LTN1: variants seen among roughly 807,000 people sequenced by gnomAD.
The protein encoded by LTN1 is E3 ubiquitin-protein ligase listerin.
In LTN1, 88 loss-of-function variants were observed where a neutral mutation model predicts 201.2. The observed-to-expected ratio is 0.44, with a 90% CI of 0.37 to 0.52. The LOEUF (loss-of-function observed/expected upper bound fraction) is 0.52, where lower values mean the gene tolerates loss of function less well. Among genes scored for constraint, LTN1 ranks in the 20% least tolerant of loss-of-function variants. The probability of loss-of-function intolerance (pLI) is 0.00; values close to 1 mark genes in which losing one functional copy is unlikely to be tolerated. For missense variants in LTN1, 1,752 were observed against 2,038.7 expected (o/e 0.86, Z 2.71); for synonymous variants, 645 against 713.5 (o/e 0.90, Z 1.53).
In LTN1 at chr21:28,966,884, T is replaced by G; in HGVS notation, c.1607A>C (p.Asn536Thr). The G allele has an allele frequency of 1.4e-6, 1 of 707,070 alleles. No individual in the cohort carries two copies. Among genetic ancestry groups the G allele is most frequent in the Non-Finnish European group, 1.9e-6 (1 of 516,874 alleles). The allele number at this position is 707,070 out of a possible 1,614,324, so 43.8% of individuals were successfully genotyped here. The change falls in exon 10 of 30, where the codon AAT (asparagine) becomes ACT (threonine). Residue 536 changes from asparagine (N) to threonine (T), a missense_variant. This residue lies in a region of LTN1 where 1,211 missense variants were observed against 1,312.8 expected (regional missense o/e 0.92). Coordinates refer to ENST00000361371, the MANE Select transcript of LTN1 (RefSeq NM_015565.3). ...KSSLKSSKKK[N>T]GKVRFADEIL... ...CTCATCAGCAAATCTAACCTTACCA[T>G]TTTTTTTTTTACTTGACTTCAATGA...
chr21:28,975,381 T>C (rs550833654), intron 6 of LTN1, among the ~76,000 whole-genome samples: 2 of 152,186 alleles, frequency 1.3e-5, no homozygotes, highest in East Asian at 3.9e-4. Flanking sequence ...CCCATAAACA[T>C]ATTAAAAGAT....
In LTN1 at chr21:28,986,192, T is replaced by C. The variant is rs1488845017; in HGVS notation, c.292A>G (p.Thr98Ala). 9 of 1,613,584 alleles carry C rather than the reference T, an allele frequency of 5.6e-6. No individual in the cohort carries two copies. The highest frequency in any genetic ancestry group is 5.9e-6 in the Non-Finnish European group (7 of 1,179,570). The change falls in exon 3 of 30, where the codon ACT (threonine) becomes GCT (alanine). Residue 98 changes from threonine to alanine, a missense_variant. Physicochemically the swap from Thr to Ala is moderately conservative, Grantham distance 58. Around this residue, in one of 3 missense-constraint regions of LTN1, gnomAD observed 280 missense variants for 375.7 expected, o/e 0.75. Coordinates refer to ENST00000361371, the MANE Select transcript of LTN1 (RefSeq NM_015565.3). The surrounding 1 kb of genome is among the most constrained non-coding windows in gnomAD (Gnocchi z 4.1). Reference protein sequence around the residue: ...GTMCTERDTETVKGVLPYWPR... With the variant: ...GTMCTERDTEAVKGVLPYWPR... Reference sequence around the variant, plus strand: ...CAATATGGAAGAACTCCTTTCACAGTTTCTGTGTCTCTCTCTGTACACATG... The same window carrying C: ...CAATATGGAAGAACTCCTTTCACAGCTTCTGTGTCTCTCTCTGTACACATG...
intron 6 of LTN1, among the ~76,000 whole-genome samples, chr21:28,972,667 G>C (rs755021556): frequency 6.6e-6 from 1 of 152,104 alleles, no homozygotes; most frequent in Admixed American, 6.6e-5. Context: ...CAAAGAAAAC[G>C]TAACAGACAT....
chr21:28,972,997 C>T (rs2084587007), intron 6 of LTN1, among the ~76,000 whole-genome samples: 7 of 152,116 alleles, frequency 4.6e-5, no homozygotes, highest in Admixed American at 4.6e-4. Context: ...ATAGTATCTT[C>T]AACACAAAAA....
chr21:28,930,947 G>C (rs977599752), intron 29 of LTN1, among the ~76,000 whole-genome samples: 2 of 152,130 alleles, frequency 1.3e-5, no homozygotes, highest in Admixed American at 6.5e-5. Context: ...GATTCTACCA[G>C]TCTCAGTAAA....
intron 21 of LTN1, among the ~76,000 whole-genome samples, chr21:28,945,226 T>TA (rs915564092): frequency 3.3e-5 from 5 of 150,066 alleles, no homozygotes; most frequent in African/African-American, 7.4e-5. Context: ...ATCTCAAATT[T>TA]AAAAAAAAAG....
chr21:28,967,445 A>T (rs1415866677), intron 9 of LTN1, among the ~76,000 whole-genome samples: 1 of 152,156 alleles, frequency 6.6e-6, no homozygotes, highest in South Asian at 2.1e-4. Context: ...CACCAGTGGC[A>T]ATTACTTAAT....
At chr21:28,969,430 A>T in intron 9 of LTN1, 36 bp downstream of exon 9, 1 of 1,572,992 alleles carries the variant, frequency 6.4e-7, no homozygotes, top group Non-Finnish European at 8.6e-7. Flanking sequence ...CATAATCAGT[A>T]TGCAAAGAGA....
In LTN1 at chr21:28,953,137, G is replaced by A. The variant is rs914371605; in HGVS notation, c.3239+80C>T. On this transcript the variant is annotated intron_variant, in intron 17 of 29. Coordinates refer to ENST00000361371, the MANE Select transcript of LTN1 (RefSeq NM_015565.3). Reference sequence around the variant, plus strand: ...CCTCTGACTGAAACATTAGCATGCAGTAGGGTTACCTCTTACAGAAGGCAA... The same window carrying A: ...CCTCTGACTGAAACATTAGCATGCAATAGGGTTACCTCTTACAGAAGGCAA... 3.5e-5 allele frequency: 33 copies of A among 943,556 alleles called. No homozygotes were observed. The East Asian group carries it at 8.5e-4, about 24-fold the overall frequency. 58.4% of individuals were successfully genotyped at this position (943,556 alleles called of 1,614,324 possible). A position where few individuals can be genotyped will look rare whatever the true frequency, so the allele number is the denominator to read the frequency against.
At position 28,931,292 on chromosome 21, in the gene LTN1, A is replaced by G; in HGVS notation, c.5101T>C (p.Trp1701Arg). 6.2e-7 allele frequency: 1 copy of G among 1,612,484 alleles called. No homozygotes were observed. Among genetic ancestry groups the G allele is most frequent in the Non-Finnish European group, 8.5e-7 (1 of 1,179,128 alleles). The stretch of plus-strand genomic sequence containing the variant: ...AAACGTTTGTCTACGTTATTTTTCC[A>G]TAAAGCTAAGCCTTCCATAATACTT... The part of the protein sequence containing the change: ...NGSIMEGLAL[W>R]KNNVDKRFEG... Residue 1701 changes from tryptophan to arginine, a missense_variant, in exon 29 of 30, where the codon TGG becomes CGG. Transcript: ENST00000361371.
chr21:28,958,972 G>A (rs1398068459), intron 13 of LTN1, among the ~76,000 whole-genome samples: 2 of 152,038 alleles, frequency 1.3e-5, no homozygotes, highest in Non-Finnish European at 2.9e-5. Context: ...AGGGTGGGAG[G>A]AGGAGAGCTC....
In LTN1 at chr21:28,958,557, A is replaced by G. The variant is rs922530261; in HGVS notation, c.2594-18T>C. On this transcript the variant is annotated intron_variant, in intron 13 of 29. Coordinates refer to ENST00000361371, the MANE Select transcript of LTN1 (RefSeq NM_015565.3). ...AAGAAAATCTAAAATCAAGATGTCA[A>G]CAGGAATTTGTAATCTCACTGAATT... 1 of 1,571,492 alleles carries G rather than the reference A, an allele frequency of 6.4e-7. No individual in the cohort carries two copies. The highest frequency in any genetic ancestry group is 8.6e-7 in the Non-Finnish European group (1 of 1,158,272).
At chr21:28,976,491 T>C (rs573326015) in intron 6 of LTN1, among the ~76,000 whole-genome samples, 2 of 151,742 alleles carry the variant, frequency 1.3e-5, no homozygotes, top group East Asian at 3.9e-4. Flanking sequence ...TTCCAGCTAC[T>C]TGGGAGGCTG....
chr21:28,983,796 T>C (rs181087547), intron 4 of LTN1, among the ~76,000 whole-genome samples: 5 of 152,322 alleles, frequency 3.3e-5, no homozygotes, highest in Admixed American at 2.6e-4. Flanking sequence ...AATGCAAGCA[T>C]AGATTTTTTA....
chr21:28,938,694 T>C (rs933763129), intron 25 of LTN1, among the ~76,000 whole-genome samples: 1 of 152,090 alleles, frequency 6.6e-6, no homozygotes, highest in Admixed American at 6.6e-5. Context: ...GATAAACAGA[T>C]AGATAAACAA....
intron 6 of LTN1, among the ~76,000 whole-genome samples, chr21:28,972,831 AG>A (rs1601203453): frequency 6.6e-6 from 1 of 152,310 alleles, no homozygotes; most frequent in East Asian, 1.9e-4. Flanking sequence ...AATCCCAAGC[AG>A]GATACATAAA....
intron 6 of LTN1, among the ~76,000 whole-genome samples, chr21:28,977,180 T>G (rs1014916649): frequency 6.7e-6 from 1 of 150,228 alleles, no homozygotes; most frequent in African/African-American, 2.5e-5. Context: ...TCGAGACCAG[T>G]CTGGCCAACA....
chr21:28,966,457 A>C lies in LTN1; in HGVS notation c.2034T>G (p.Phe678Leu), dbSNP rs757997967. Residue 678 changes from phenylalanine to leucine, a missense_variant, in exon 10 of 30, where the codon TTT (phenylalanine) becomes TTG (leucine). Coordinates refer to ENST00000361371, the MANE Select transcript of LTN1 (RefSeq NM_015565.3). ...TGTACAAAATGTCCACCAGGAAACC[A>C]AAATCCTTCCTTTGATCTTCATTTA... is the stretch of plus-strand genomic sequence containing the variant. The part of the protein sequence containing the change: ...GWLNEDQRKD[F>L]GFLVDILYSA... 20 of 1,614,070 alleles carry C rather than the reference A, an allele frequency of 1.2e-5. No individual in the cohort carries two copies. Among genetic ancestry groups the C allele is most frequent in the Non-Finnish European group, 1.7e-5 (20 of 1,180,018 alleles).
At chr21:28,973,437 T>G (rs534816305) in intron 6 of LTN1, among the ~76,000 whole-genome samples, 2 of 150,918 alleles carry the variant, frequency 1.3e-5, no homozygotes, top group South Asian at 4.2e-4. Flanking sequence ...TAAACAAAGA[T>G]TGAGAGTATA....
Sources: gnomAD v4.1 joint callset for allele counts (sites outside exome capture counted in the v4.1 genomes callset) on GRCh38, gnomAD v4.1.1 for gene constraint, gnomAD v4.1.1 regional missense constraint, Gnocchi (gnomAD v3.1) non-coding constraint, MANE v1.5 for transcripts, NCBI Gene and HGNC (gene_info 2026-07-23, HGNC 2026-07-21) for gene names.